Variants in ANKRD30A observed in about 807,000 individuals in gnomAD.
ANKRD30A encodes ankyrin repeat domain 30A, also known as ankyrin repeat domain-containing protein 30A.
A neutral mutation model predicts 166.3 loss-of-function variants in ANKRD30A; 170 were observed. The observed-to-expected ratio is 1.02, with a 90% CI of 0.90 to 1.16. The LOEUF is 1.16. Ranked by LOEUF, ANKRD30A falls within the 50% of genes most tolerant of loss-of-function variation. ANKRD30A has a pLI of 0.00. For missense variants in ANKRD30A, 1,630 were observed against 1,518.0 expected (o/e 1.07, Z -1.23); for synonymous variants, 564 against 508.9 (o/e 1.11, Z -1.46).
In ANKRD30A at chr10:37,219,590, G is replaced by A; in HGVS notation, c.3878G>A (p.Cys1293Tyr). 1 of 1,610,262 alleles carries A rather than the reference G, an allele frequency of 6.2e-7. No individual in the cohort carries two copies. The highest frequency in any genetic ancestry group is 1.1e-5 in the South Asian group (1 of 90,942). ...CAAAGAGACCAACGTGAAACACAGT[G>A]TCAAATGAAGGAAGCTGAACACATG... ...HAQRDQRETQCQMKEAEHMYQ... is the reference protein window; with the variant it reads ...HAQRDQRETQYQMKEAEHMYQ... The change falls in exon 34 of 36, where the codon TGT becomes TAT. Residue 1293 changes from cysteine (C) to tyrosine (Y), a missense_variant. By Grantham distance (194) the Cys-to-Tyr change is radical (BLOSUM62 -2). Coordinates refer to ENST00000361713, the MANE Select transcript of ANKRD30A (RefSeq NM_052997.3).
At chr10:37,135,219 G>T (rs1836608290) in intron 5 of ANKRD30A, 1 of 152,030 alleles carries the variant, frequency 6.6e-6, no homozygotes, top group African/African-American at 2.4e-5. Context: ...CAGTCTTCAG[G>T]TATAAAAGTA....
chr10:37,212,610 T>A (rs1335444181), intron 31 of ANKRD30A, among the ~76,000 whole-genome samples: 1 of 152,038 alleles, frequency 6.6e-6, no homozygotes. Context: ...GCTACCTGAC[T>A]TCAAACTATA....
rs1836275441 is a variant in ANKRD30A at position 37,129,902 on chromosome 10, A to G, written c.231A>G (p.Leu77=). The change falls in exon 2 of 36, where the codon CTA becomes CTG. Residue 77 remains leucine (L), a synonymous_variant. Coordinates refer to ENST00000361713, the MANE Select transcript of ANKRD30A (RefSeq NM_052997.3). The part of the protein sequence containing the change: ...NIQDAQKRTA[L]HWACVNGHEE... ...CCTCTCACTCTCGTAGGACTGCTCT[A>G]CACTGGGCCTGTGTCAATGGCCATG... 6.5e-7 allele frequency: 1 copy of G among 1,539,760 alleles called. No individual in the cohort carries two copies. Among genetic ancestry groups the G allele is most frequent in the Non-Finnish European group, 8.8e-7 (1 of 1,139,540 alleles).
intron 21 of ANKRD30A, among the ~76,000 whole-genome samples, chr10:37,172,134 A>T (rs540020669): frequency 8.7e-6 from 1 of 114,564 alleles, no homozygotes; most frequent in South Asian, 2.3e-4. Flanking sequence ...TCACGAGGTG[A>T]GGAGAGCGAG....
chr10:37,245,781 G>T, the ANKRD30A span, among the ~76,000 whole-genome samples: 1 of 152,038 alleles, frequency 6.6e-6, no homozygotes, highest in African/African-American at 2.4e-5. Context: ...TGCTTCCAAG[G>T]TCATGAAGTT....
intron 29 of ANKRD30A, among the ~76,000 whole-genome samples, chr10:37,199,089 G>T (rs1841400964): frequency 6.6e-6 from 1 of 152,108 alleles, no homozygotes; most frequent in Non-Finnish European, 1.5e-5. Context: ...AGGCATTGTT[G>T]CATTAGGGAA....
chr10:37,215,978 C>T (rs1376792925), intron 31 of ANKRD30A, among the ~76,000 whole-genome samples: 1 of 149,388 alleles, frequency 6.7e-6, no homozygotes, highest in Non-Finnish European at 1.5e-5. Context: ...TTTTCTGGGG[C>T]TTTGCTTTTC....
At chr10:37,192,046 TC>T in intron 25 of ANKRD30A, among the ~76,000 whole-genome samples, 1 of 152,184 alleles carries the variant, frequency 6.6e-6, no homozygotes, top group Non-Finnish European at 1.5e-5. Flanking sequence ...ACATGTTTTT[TC>T]TTTTTTAGAG....
chr10:37,161,782 T>C (rs546559991), intron 15 of ANKRD30A, among the ~76,000 whole-genome samples: 1 of 152,324 alleles, frequency 6.6e-6, no homozygotes, highest in East Asian at 1.9e-4. Context: ...ATTGGCTTTA[T>C]GTTTAAGGAA....
chr10:37,197,175 C>A lies in ANKRD30A; in HGVS notation c.2615-106C>A, dbSNP rs1025778837. ...ACTTTCCAAATCTAAAGTATTCATTCTCCAATTGGAGCAAGAGGAGTCAGT... is the reference window on the plus strand; with the variant it reads ...ACTTTCCAAATCTAAAGTATTCATTATCCAATTGGAGCAAGAGGAGTCAGT... On this transcript the variant is annotated intron_variant, in intron 27 of 35. Coordinates refer to ENST00000361713, the MANE Select transcript of ANKRD30A (RefSeq NM_052997.3). 6.8e-6 allele frequency: 10 copies of A among 1,465,486 alleles called. No individual in the cohort carries two copies. In the African/African-American group the frequency reaches 6.9e-5, roughly 10 times the overall value. The allele number at this position is 1,465,486 out of a possible 1,614,324, so 90.8% of individuals were successfully genotyped here.
chr10:37,129,812 T>A, intron 1 of ANKRD30A, 81 bp from the exon 2 acceptor site: 1 of 726,806 alleles, frequency 1.4e-6, no homozygotes, highest in East Asian at 3.2e-5. Context: ...GCGTGGTATT[T>A]AATGTTTACA....
Position 37,219,745 on chromosome 10 carries a change from GACAACAAAAGCAAGATA to G in ANKRD30A, c.4038_4054del (p.Lys1347Ter). 3 of 1,608,626 alleles carry G rather than the reference GACAACAAAAGCAAGATA, an allele frequency of 1.9e-6. No homozygotes were observed. Among genetic ancestry groups the G allele is most frequent in the Non-Finnish European group, 2.5e-6 (3 of 1,176,820 alleles). ...ATTAGTTCATGCACATAAGAAAGCTGACAACAAAAGCAAGATAACAATTGATATTCATTTTCTTGAGA... is the reference window on the plus strand; with the variant it reads ...ATTAGTTCATGCACATAAGAAAGCTGACAATTGATATTCATTTTCTTGAGA... On this transcript the variant is annotated frameshift_variant, in exon 34 of 36. Transcript: ENST00000361713. LOFTEE classifies it high-confidence loss of function.
At chr10:37,247,715 CA>C in the ANKRD30A span, among the ~76,000 whole-genome samples, 100,957 of 133,466 alleles carry the variant, frequency 0.76, 37,344 homozygotes, top group East Asian at 0.89. Flanking sequence ...ACTAAAAATA[CA>C]AAAAAAAAAA....
chr10:37,155,549 A>T (rs1838305969), intron 13 of ANKRD30A, among the ~76,000 whole-genome samples: 1 of 152,204 alleles, frequency 6.6e-6, no homozygotes, highest in African/African-American at 2.4e-5. Flanking sequence ...ATAAATTATT[A>T]TAATGTGTTG....
intron 7 of ANKRD30A, 90 bp from the exon 8 acceptor site, chr10:37,144,905 G>T (rs796136359): frequency 1.5e-6 from 1 of 647,812 alleles, no homozygotes; most frequent in African/African-American, 3.9e-5. Context: ...TAAGTCCACA[G>T]ATTCATGAAT....
rs1409225222 is a variant in ANKRD30A, at chr10:37,134,052, C to T, written c.754C>T (p.His252Tyr). 3 of 1,613,716 alleles carry T rather than the reference C, an allele frequency of 1.9e-6. No individual in the cohort carries two copies. The highest frequency in any genetic ancestry group is 2.2e-5 in the East Asian group (1 of 44,836). ...EHYAVTCGFH[H>Y]IHEQIMEYIR... ...TTATGCTGTTACTTGTGGATTTCAT[C>T]AGTAAGTGTTTACGTTTAGAGGCTA... The change falls in exon 5 of 36, where the codon CAC becomes TAC. Residue 252 changes from histidine to tyrosine, a missense_variant and splice_region_variant. Physicochemically the swap from His to Tyr is moderately conservative, Grantham distance 83. Around this residue, in one of 4 missense-constraint regions of ANKRD30A, gnomAD observed 904 missense variants for 818.5 expected, o/e 1.10. Coordinates refer to ENST00000361713, the MANE Select transcript of ANKRD30A (RefSeq NM_052997.3).
chr10:37,227,447 T>G (rs974777132), intron 34 of ANKRD30A, among the ~76,000 whole-genome samples: 1 of 151,970 alleles, frequency 6.6e-6, no homozygotes, highest in Non-Finnish European at 1.5e-5. Context: ...ACCATACATG[T>G]GCAGGTCTGT....
At chr10:37,166,925 C>A (rs571048270) in intron 19 of ANKRD30A, among the ~76,000 whole-genome samples, 73 of 151,652 alleles carry the variant, frequency 4.8e-4, no homozygotes, top group Non-Finnish European at 9.4e-4. Flanking sequence ...TATTCCAAGA[C>A]GTGAGGAAAA....
chr10:37,151,402 A>G (rs994659604), intron 11 of ANKRD30A, among the ~76,000 whole-genome samples: 1 of 152,104 alleles, frequency 6.6e-6, no homozygotes, highest in East Asian at 1.9e-4. Context: ...AGGTGTCACA[A>G]ACTGACTCTG....
Sources: allele counts gnomAD v4.1 joint callset (sites outside exome capture counted in the v4.1 genomes callset), GRCh38; gene constraint gnomAD v4.1.1; regional missense constraint gnomAD v4.1.1; transcripts MANE v1.5; gene names NCBI Gene and HGNC (gene_info 2026-07-23, HGNC 2026-07-21).